DPYSL2: variants seen among roughly 807,000 people sequenced by gnomAD.
The protein encoded by DPYSL2 is dihydropyrimidinase like 2.
Under a neutral mutation model 69.9 loss-of-function variants are expected in DPYSL2, and 13 were observed. The observed-to-expected ratio is 0.19, with a 90% confidence interval of 0.12 to 0.30. The LOEUF (loss-of-function observed/expected upper bound fraction) is 0.30. Ranked by LOEUF, DPYSL2 falls within the 10% of genes least tolerant of loss-of-function variation. DPYSL2 has a pLI of 1.00. For synonymous variants in DPYSL2, 326 were observed against 359.1 expected (o/e 0.91, Z 1.04); for missense variants, 587 against 918.9 (o/e 0.64, Z 4.67).
At chr8:26,634,506 T>C (rs1013036072) in intron 7 of DPYSL2, among the ~76,000 whole-genome samples, 5 of 149,226 alleles carry the variant, frequency 3.4e-5, no homozygotes, top group African/African-American at 9.8e-5. Flanking sequence ...GGTCTTGAAC[T>C]CCTGATCTCA....
rs1180917308 is a variant in DPYSL2, at chr8:26,586,873, A to G, written c.628+2890A>G. Among the ~76,000 whole-genome samples the G allele has an allele frequency of 2.6e-5, 4 of 152,220 alleles. No individual in the cohort carries two copies. The highest frequency in any genetic ancestry group is 9.6e-5 in the African/African-American group (4 of 41,464). On this transcript the variant is annotated intron_variant, in intron 3 of 13. Coordinates refer to ENST00000521913, the MANE Select transcript of DPYSL2 (RefSeq NM_001197293.3). The surrounding 1 kb of genome is among the most constrained non-coding windows in gnomAD (Gnocchi z 4.7). ...TGGCTATAGAGTGGGGCATCCAATG[A>G]GCGAACCTCAAGGAATAAAAGTCAT... is the stretch of plus-strand genomic sequence containing the variant.
intron 3 of DPYSL2, among the ~76,000 whole-genome samples, chr8:26,615,877 C>T (rs1802335681): frequency 6.6e-6 from 1 of 152,144 alleles, no homozygotes; most frequent in African/African-American, 2.4e-5. Context: ...AGTAGTTCAC[C>T]CTGTAAGGCA....
intron 3 of DPYSL2, among the ~76,000 whole-genome samples, chr8:26,601,014 GT>G (rs1801978643): frequency 6.6e-6 from 1 of 152,180 alleles, no homozygotes; most frequent in African/African-American, 2.4e-5. Flanking sequence ...AGCCTGCGGG[GT>G]CCAGGCACTC....
intron 8 of DPYSL2, among the ~76,000 whole-genome samples, chr8:26,635,517 G>A (rs1802893124): frequency 6.6e-6 from 1 of 152,180 alleles, no homozygotes; most frequent in African/African-American, 2.4e-5. Flanking sequence ...TTTGAATGCA[G>A]CTGAGCCCTG....
At chr8:26,556,622 A>G (rs1000557145) in intron 1 of DPYSL2, among the ~76,000 whole-genome samples, 4 of 151,688 alleles carry the variant, frequency 2.6e-5, no homozygotes, top group Admixed American at 2.0e-4. Context: ...CAATATGTAT[A>G]TATGTACAGA....
At chr8:26,577,990 T>TC in intron 1 of DPYSL2, 7 of 1,305,648 alleles carry the variant, frequency 5.4e-6, no homozygotes, top group Non-Finnish European at 6.8e-6. Context: ...TTTCTCTCTC[T>TC]CCTTCTCTCT....
At position 26,653,551 on chromosome 8, in the gene DPYSL2, A is replaced by C. The variant is rs1391989236; in HGVS notation, c.1942+154A>C. Reference sequence around the variant, plus strand: ...AAATACAGTGGACTCAGATCTCTGGAGATGTATTTTCTTTTTCTTTTTTTT... The same window carrying C: ...AAATACAGTGGACTCAGATCTCTGGCGATGTATTTTCTTTTTCTTTTTTTT... On this transcript the variant is annotated intron_variant, in intron 13 of 13. Coordinates refer to ENST00000521913, the MANE Select transcript of DPYSL2 (RefSeq NM_001197293.3). The surrounding 1 kb of genome is among the most constrained non-coding windows in gnomAD (Gnocchi z 5.7). 6.6e-6 allele frequency among the ~76,000 whole-genome samples: 1 copy of C among 151,990 alleles called. No homozygotes were observed. Among genetic ancestry groups the C allele is most frequent in the Non-Finnish European group, 1.5e-5 (1 of 67,992 alleles).
chr8:26,577,192 A>C (rs1801368687), intron 1 of DPYSL2: 2 of 441,210 alleles, frequency 4.5e-6, no homozygotes, highest in African/African-American at 2.1e-5. Context: ...CACGCGGGCC[A>C]GATCCCGTCT....
chr8:26,558,954 A>T (rs975169928), intron 1 of DPYSL2, among the ~76,000 whole-genome samples: 1 of 152,120 alleles, frequency 6.6e-6, no homozygotes, highest in Non-Finnish European at 1.5e-5. Flanking sequence ...TTATTTATTT[A>T]TTTTTTGAGA....
At chr8:26,592,632 T>A (rs896682128) in intron 3 of DPYSL2, among the ~76,000 whole-genome samples, 5 of 151,882 alleles carry the variant, frequency 3.3e-5, no homozygotes, top group African/African-American at 9.7e-5. Context: ...TGCACCAACA[T>A]GCCCAGCTAA....
Position 26,647,495 on chromosome 8 carries a change from TTG to T in DPYSL2, c.1426-131_1426-130del. ...TACAGTGTGTGACCTTTGAGACGGT[TTG>T]TGTTTCACTTGGCACAACGCTCTTG... On this transcript the variant is annotated intron_variant, in intron 10 of 13. Coordinates refer to ENST00000521913, the MANE Select transcript of DPYSL2 (RefSeq NM_001197293.3). This position sits in a 1 kb window ranked among gnomAD's most constrained non-coding sequence, Gnocchi z 5.1. 1 of 910,374 alleles carries T rather than the reference TTG, an allele frequency of 1.1e-6. No individual in the cohort carries two copies. Among genetic ancestry groups the T allele is most frequent in the Non-Finnish European group, 1.7e-6 (1 of 597,156 alleles). The allele number at this position is 910,374 out of a possible 1,614,324, so 56.4% of individuals were successfully genotyped here. A position where few individuals can be genotyped will look rare whatever the true frequency, so the allele number is the denominator to read the frequency against.
Position 26,582,331 on chromosome 8 carries a change from G to A in DPYSL2, c.443+274G>A, listed in dbSNP as rs1801509167. On this transcript the variant is annotated intron_variant, in intron 2 of 13. Coordinates refer to ENST00000521913, the MANE Select transcript of DPYSL2 (RefSeq NM_001197293.3). The surrounding 1 kb of genome is among the most constrained non-coding windows in gnomAD (Gnocchi z 4.1). ...GTGATATGATATCTTTCTGTTGCCA[G>A]CTCAAATACTTGGTTTGTGATATGT... Among the ~76,000 whole-genome samples, 1 of 152,196 alleles carries A rather than the reference G, an allele frequency of 6.6e-6. No homozygotes were observed. Among genetic ancestry groups the A allele is most frequent in the African/African-American group, 2.4e-5 (1 of 41,446 alleles).
intron 7 of DPYSL2, 141 bp from the exon 8 acceptor site, chr8:26,634,639 C>G: frequency 7.1e-7 from 1 of 1,417,930 alleles, no homozygotes; most frequent in Non-Finnish European, 9.6e-7. Context: ...AAGTCATACT[C>G]CTTTGAATTG....
intron 1 of DPYSL2, among the ~76,000 whole-genome samples, chr8:26,545,862 T>C (rs1800758953): frequency 6.6e-6 from 1 of 152,244 alleles, no homozygotes; most frequent in South Asian, 2.1e-4. Flanking sequence ...GCTCTCTGTT[T>C]TCTTCCCTTG....
chr8:26,570,261 A>C (rs193126098), intron 1 of DPYSL2, among the ~76,000 whole-genome samples: 1 of 152,286 alleles, frequency 6.6e-6, no homozygotes, highest in East Asian at 1.9e-4. Context: ...CCACTGAGTG[A>C]AACTGAGTTA....
Position 26,514,690 on chromosome 8 carries a change from G to C in DPYSL2, c.354+11G>C. ...AACATCAACGACCAGGTCGGTGTGGGGGTTGGGGGTGGAGACGGAGGACGG... is the reference window on the plus strand; with the variant it reads ...AACATCAACGACCAGGTCGGTGTGGCGGTTGGGGGTGGAGACGGAGGACGG... On this transcript the variant is annotated intron_variant, in intron 1 of 13. Coordinates refer to ENST00000521913, the MANE Select transcript of DPYSL2 (RefSeq NM_001197293.3). This position sits in a 1 kb window ranked among gnomAD's most constrained non-coding sequence, Gnocchi z 8.4. 3 of 1,392,316 alleles carry C rather than the reference G, an allele frequency of 2.2e-6. No individual in the cohort carries two copies. Among genetic ancestry groups the C allele is most frequent in the South Asian group, 3.1e-5 (2 of 63,560 alleles). The allele number at this position is 1,392,316 out of a possible 1,614,324, so 86.2% of individuals were successfully genotyped here. A position where few individuals can be genotyped will look rare whatever the true frequency, so the allele number is the denominator to read the frequency against.
Position 26,614,607 on chromosome 8 carries a change from G to C in DPYSL2, c.629-9536G>C, listed in dbSNP as rs1010954514. 5.3e-5 allele frequency among the ~76,000 whole-genome samples: 8 copies of C among 152,178 alleles called. No individual in the cohort carries two copies. Among genetic ancestry groups the C allele is most frequent in the African/African-American group, 1.9e-4 (8 of 41,430 alleles). On this transcript the variant is annotated intron_variant, in intron 3 of 13. Coordinates refer to ENST00000521913, the MANE Select transcript of DPYSL2 (RefSeq NM_001197293.3). This position sits in a 1 kb window ranked among gnomAD's most constrained non-coding sequence, Gnocchi z 4.9. ...TGTTTGTTTTATAAGCGTTTTACCA[G>C]ATCTTGGCTTAACACTTCCCCCAGA...
At chr8:26,525,413 G>A (rs1340926882) in intron 1 of DPYSL2, among the ~76,000 whole-genome samples, 1 of 152,100 alleles carries the variant, frequency 6.6e-6, no homozygotes, top group African/African-American at 2.4e-5. Flanking sequence ...GTAGAGATGG[G>A]ATCTCACTAT....
chr8:26,652,339 A>T lies in DPYSL2; in HGVS notation c.1679A>T (p.Glu560Val). ...ATCAGCCAGGGGAAGATTGTCCTGG[A>T]GGACGGCACCCTGCATGTCACCGAA... is the stretch of plus-strand genomic sequence containing the variant. ...VVISQGKIVLEDGTLHVTEGS... is the reference protein window; with the variant it reads ...VVISQGKIVLVDGTLHVTEGS... The change falls in exon 12 of 14, where the codon GAG becomes GTG. Residue 560 changes from glutamate (E) to valine (V), a missense_variant. Glu to Val is a moderately radical substitution (Grantham distance 121). This residue lies in a region of DPYSL2 where 452 missense variants were observed against 754.3 expected (regional missense o/e 0.60). Coordinates refer to ENST00000521913, the MANE Select transcript of DPYSL2 (RefSeq NM_001197293.3). The surrounding 1 kb of genome is among the most constrained non-coding windows in gnomAD (Gnocchi z 6.3). The T allele has an allele frequency of 6.2e-7, 1 of 1,614,216 alleles. No individual in the cohort carries two copies.
Sources: allele counts gnomAD v4.1 joint callset (sites outside exome capture counted in the v4.1 genomes callset), GRCh38; gene constraint gnomAD v4.1.1; regional missense constraint gnomAD v4.1.1; non-coding constraint Gnocchi (gnomAD v3.1); transcripts MANE v1.5; gene names NCBI Gene and HGNC (gene_info 2026-07-23, HGNC 2026-07-21).